C1QTNF3: variants seen among roughly 807,000 people sequenced by gnomAD.
The protein encoded by C1QTNF3 is C1q and TNF related 3, also known as complement C1q tumor necrosis factor-related protein 3.
C1QTNF3 carries 26 observed loss-of-function variants against 32.6 expected under a neutral mutation model. The ratio of observed to expected loss-of-function variants is 0.80; its 90% CI spans 0.58 to 1.11. The LOEUF is 1.11. Among genes scored for constraint, C1QTNF3 ranks in the 50% least tolerant of loss-of-function variants. The probability of loss-of-function intolerance (pLI) is 0.00; values close to 1 mark genes in which losing one functional copy is unlikely to be tolerated. For missense variants in C1QTNF3, 362 were observed against 398.2 expected (o/e 0.91, Z 0.77); for synonymous variants, 155 against 146.0 (o/e 1.06, Z -0.44).
chr5:34,040,268 G>T (rs1475895721), intron 1 of C1QTNF3, among the ~76,000 whole-genome samples: 1 of 152,188 alleles, frequency 6.6e-6, no homozygotes, highest in African/African-American at 2.4e-5. Flanking sequence ...GAAAGAGTTT[G>T]TCTCTAAGAA....
At chr5:34,132,435 G>GTATATATATATATATATATATATATA in the C1QTNF3 span, among the ~76,000 whole-genome samples, 14 of 137,738 alleles carry the variant, frequency 1.0e-4, no homozygotes, top group African/African-American at 2.9e-4. Context: ...GTATGTGTAT[G>GTATATATATATATATATATATATATA]TATATATATA....
At chr5:34,032,605 T>C (rs1013921463) in intron 3 of C1QTNF3, among the ~76,000 whole-genome samples, 14 of 152,158 alleles carry the variant, frequency 9.2e-5, no homozygotes, top group Non-Finnish European at 1.8e-4. Flanking sequence ...GAGACCAGCC[T>C]GGCCACCATG....
the C1QTNF3 span, among the ~76,000 whole-genome samples, chr5:34,092,659 A>G: frequency 6.6e-6 from 1 of 151,558 alleles, no homozygotes; most frequent in African/African-American, 2.4e-5. Context: ...GGGTTTTTCA[A>G]TGAAGTTTGT....
Position 34,043,030 on chromosome 5 carries a change from T to A in C1QTNF3, c.96A>T (p.Arg32Ser). ...CQDEYMEVSG[R>S]TNKVVARIVQ... Reference sequence around the variant, plus strand: ...CTATTCTTGCCACCACTTTATTAGTTCTTCCGCTCACCTCCATGTATTCAT... The same window carrying A: ...CTATTCTTGCCACCACTTTATTAGTACTTCCGCTCACCTCCATGTATTCAT... The change falls in exon 1 of 6, where the codon AGA (arginine) becomes AGT (serine). Residue 32 changes from arginine to serine, a missense_variant. By Grantham distance (110) the Arg-to-Ser change is moderately radical. Transcript: ENST00000382065. 1 of 1,614,148 alleles carries A rather than the reference T, an allele frequency of 6.2e-7. No homozygotes were observed. The highest frequency in any genetic ancestry group is 8.5e-7 in the Non-Finnish European group (1 of 1,180,026).
chr5:34,082,773 CG>C, the C1QTNF3 span, among the ~76,000 whole-genome samples: 32 of 151,750 alleles, frequency 2.1e-4, no homozygotes, highest in East Asian at 5.6e-3. Flanking sequence ...TAGATGTAAA[CG>C]TAATTATACA....
the C1QTNF3 span, among the ~76,000 whole-genome samples, chr5:34,216,781 T>C: frequency 5.9e-5 from 9 of 152,304 alleles, no homozygotes; most frequent in South Asian, 1.9e-3. Context: ...AATTAATGAA[T>C]TTAAGATGTC....
the C1QTNF3 span, among the ~76,000 whole-genome samples, chr5:34,242,745 A>T: frequency 0.014 from 2,147 of 152,278 alleles, 35 homozygotes; most frequent in South Asian, 0.033. Context: ...GGGAGAAAAT[A>T]TTTGCAAACT....
At chr5:34,055,561 G>A in the C1QTNF3 span, among the ~76,000 whole-genome samples, 1 of 152,204 alleles carries the variant, frequency 6.6e-6, no homozygotes, top group Non-Finnish European at 1.5e-5. Context: ...TTATTACTGT[G>A]TTCTGCCTAT....
the C1QTNF3 span, among the ~76,000 whole-genome samples, chr5:34,217,553 A>G: frequency 6.6e-6 from 1 of 152,118 alleles, no homozygotes; most frequent in Non-Finnish European, 1.5e-5. Context: ...TAAAAAAGAC[A>G]TACCTCCCTA....
the C1QTNF3 span, among the ~76,000 whole-genome samples, chr5:34,056,896 GA>G: frequency 6.6e-6 from 1 of 151,956 alleles, no homozygotes; most frequent in Non-Finnish European, 1.5e-5. Flanking sequence ...AAAATAACAA[GA>G]AAAAAACCGC....
chr5:34,230,895 T>C, the C1QTNF3 span, among the ~76,000 whole-genome samples: 1 of 152,212 alleles, frequency 6.6e-6, no homozygotes, highest in Admixed American at 6.5e-5. Flanking sequence ...TCTAATTTTG[T>C]CTGTATTTAG....
the C1QTNF3 span, chr5:34,175,521 G>A: frequency 6.3e-5 from 19 of 302,670 alleles, no homozygotes; most frequent in Admixed American, 4.5e-5. Flanking sequence ...GAGGTCCAGT[G>A]TTTCCTTCAT....
the C1QTNF3 span, among the ~76,000 whole-genome samples, chr5:34,210,678 T>C: frequency 1.3e-5 from 2 of 152,108 alleles, no homozygotes; most frequent in African/African-American, 4.8e-5. Flanking sequence ...TCATTTTTAA[T>C]CAATTGTATA....
At chr5:34,069,419 T>G in the C1QTNF3 span, among the ~76,000 whole-genome samples, 1 of 152,182 alleles carries the variant, frequency 6.6e-6, no homozygotes, top group African/African-American at 2.4e-5. Context: ...TATTTCTACT[T>G]TTTGTGCTAT....
At chr5:34,227,941 T>C in the C1QTNF3 span, among the ~76,000 whole-genome samples, 82 of 151,944 alleles carry the variant, frequency 5.4e-4, no homozygotes, top group Middle Eastern at 0.01. Context: ...AAATATGTTC[T>C]GATCATTATT....
chr5:34,137,730 A>C, the C1QTNF3 span, among the ~76,000 whole-genome samples: 13 of 152,358 alleles, frequency 8.5e-5, no homozygotes, highest in African/African-American at 3.1e-4. Flanking sequence ...TCATACAGGA[A>C]GAAGTAAATT....
At chr5:34,144,911 C>T in the C1QTNF3 span, among the ~76,000 whole-genome samples, 5 of 152,038 alleles carry the variant, frequency 3.3e-5, no homozygotes, top group African/African-American at 4.8e-5. Flanking sequence ...AGGTGGATCA[C>T]GAGGTCAGGA....
chr5:34,124,222 A>G, the C1QTNF3 span: 1 of 455,020 alleles, frequency 2.2e-6, no homozygotes, highest in South Asian at 4.4e-5. Flanking sequence ...CCCTTTGTAT[A>G]AAGATGGCTA....
At chr5:34,107,091 A>G in the C1QTNF3 span, among the ~76,000 whole-genome samples, 1 of 77,996 alleles carries the variant, frequency 1.3e-5, no homozygotes, top group Non-Finnish European at 2.5e-5. Flanking sequence ...TGCTAAGTAT[A>G]GTAAGTGTCT....
Sources: allele counts gnomAD v4.1 joint callset (sites outside exome capture counted in the v4.1 genomes callset), GRCh38; gene constraint gnomAD v4.1.1; transcripts MANE v1.5; gene names NCBI Gene and HGNC (gene_info 2026-07-23, HGNC 2026-07-21).